Variants in CAPZB observed in about 807,000 individuals in gnomAD.
CAPZB encodes the protein capping actin protein of muscle Z-line subunit beta.
In CAPZB, 2 loss-of-function variants were observed where a neutral mutation model predicts 38.1. The observed-to-expected ratio is 0.05, with a 90% confidence interval of 0.02 to 0.17. The LOEUF (loss-of-function observed/expected upper bound fraction) is 0.17. CAPZB is among the 10% of genes least tolerant of loss of function. CAPZB has a pLI of 1.00. For missense variants in CAPZB, 161 were observed against 334.2 expected (o/e 0.48, Z 4.04); for synonymous variants, 107 against 127.4 (o/e 0.84, Z 1.08).
chr1:19,428,092 A>T (rs1203995393), intron 1 of CAPZB, among the ~76,000 whole-genome samples: 1 of 152,186 alleles, frequency 6.6e-6, no homozygotes, highest in Non-Finnish European at 1.5e-5. Context: ...CTCCTATCTC[A>T]TCTGAGGAAT....
chr1:19,485,082 G>A (rs1343128039), intron 1 of CAPZB, among the ~76,000 whole-genome samples: 1 of 152,148 alleles, frequency 6.6e-6, no homozygotes, highest in Non-Finnish European at 1.5e-5. Flanking sequence ...ACCGGGGGAG[G>A]AAGGGGGCCC....
intron 2 of CAPZB, among the ~76,000 whole-genome samples, chr1:19,409,117 G>A (rs76415130): frequency 0.011 from 1,671 of 152,206 alleles, 27 homozygotes; most frequent in African/African-American, 0.038. Flanking sequence ...TTCCTTGAAC[G>A]TGAGTTGGGA....
At position 19,357,379 on chromosome 1, in the gene CAPZB, C is replaced by T. The variant is rs748385869; in HGVS notation, c.471+43G>A. 5 of 1,603,148 alleles carry T rather than the reference C, an allele frequency of 3.1e-6. No individual in the cohort carries two copies. Among genetic ancestry groups the T allele is most frequent in the Non-Finnish European group, 4.3e-6 (5 of 1,171,720 alleles). On this transcript the variant is annotated intron_variant, in intron 5 of 8. Coordinates refer to ENST00000264202, the MANE Select transcript of CAPZB (RefSeq NM_004930.5). This position sits in a 1 kb window ranked among gnomAD's most constrained non-coding sequence, Gnocchi z 4.3. ...AGCGCGGCACTGGTTGGTGTGCCATCTGTACTTAGTGGCCCGGGCCACCAG... is the reference window on the plus strand; with the variant it reads ...AGCGCGGCACTGGTTGGTGTGCCATTTGTACTTAGTGGCCCGGGCCACCAG...
At chr1:19,444,924 G>C (rs1438225811) in intron 1 of CAPZB, among the ~76,000 whole-genome samples, 3 of 151,940 alleles carry the variant, frequency 2.0e-5, no homozygotes, top group Non-Finnish European at 4.4e-5. Flanking sequence ...TGTATTTTTA[G>C]TAGAGACGGG....
At chr1:19,392,284 A>G (rs2094240612) in intron 2 of CAPZB, among the ~76,000 whole-genome samples, 2 of 152,052 alleles carry the variant, frequency 1.3e-5, no homozygotes, top group Admixed American at 1.3e-4. Flanking sequence ...GAGGTGGCAC[A>G]GAGATGACAT....
chr1:19,470,367 G>T (rs1055119275), intron 1 of CAPZB, among the ~76,000 whole-genome samples: 1 of 152,150 alleles, frequency 6.6e-6, no homozygotes, highest in African/African-American at 2.4e-5. Flanking sequence ...AAGGGACCTG[G>T]GCTTGAATCT....
rs2094409903 is a variant in CAPZB, at chr1:19,423,534, T to C, written c.4-3784A>G. Among the ~76,000 whole-genome samples, 5 of 149,012 alleles carry C rather than the reference T, an allele frequency of 3.4e-5. No individual in the cohort carries two copies. In the South Asian group the frequency reaches 8.6e-4, roughly 26 times the overall value. ...GAACATTCTTTTTTTTTTTTTTTTTTTTTTTTTAAAGATAGGCTCTCACTC... is the reference window on the plus strand; with the variant it reads ...GAACATTCTTTTTTTTTTTTTTTTTCTTTTTTTAAAGATAGGCTCTCACTC... On this transcript the variant is annotated intron_variant, in intron 1 of 8. Coordinates refer to ENST00000264202, the MANE Select transcript of CAPZB (RefSeq NM_004930.5).
intron 2 of CAPZB, among the ~76,000 whole-genome samples, chr1:19,418,061 G>C (rs2094387303): frequency 6.7e-6 from 1 of 148,910 alleles, no homozygotes; most frequent in Non-Finnish European, 1.5e-5. Flanking sequence ...GCTTGAACCG[G>C]GGAGGCGGAG....
intron 1 of CAPZB, among the ~76,000 whole-genome samples, chr1:19,452,696 G>C (rs2094520332): frequency 6.6e-6 from 1 of 151,630 alleles, no homozygotes; most frequent in African/African-American, 2.4e-5. Context: ...CTCCCCATCT[G>C]TTCCTCTGCT....
chr1:19,339,323 G>A lies in CAPZB; in HGVS notation c.*207C>T. On this transcript the variant is annotated 3_prime_UTR_variant, in exon 9 of 9. Transcript: ENST00000264202. ...TATGGAAATGTGGAGAGAACTGAGA[G>A]CGAGGTGTGGCAGAAGCAGGCTCGG... 1.6e-6 allele frequency: 1 copy of A among 614,218 alleles called. No homozygotes were observed. The allele number at this position is 614,218 out of a possible 1,614,324, so 38.0% of individuals were successfully genotyped here. A position where few individuals can be genotyped will look rare whatever the true frequency, so the allele number is the denominator to read the frequency against.
chr1:19,400,233 A>G (rs1469245632), intron 2 of CAPZB, among the ~76,000 whole-genome samples: 3 of 151,876 alleles, frequency 2.0e-5, no homozygotes, highest in Admixed American at 2.0e-4. Flanking sequence ...GTCTTCGTCA[A>G]TTTCAGTGTG....
chr1:19,374,463 CGT>C (rs1471643047), intron 4 of CAPZB: 2 of 152,288 alleles, frequency 1.3e-5, no homozygotes, highest in African/African-American at 4.8e-5. Flanking sequence ...CACCTGGAAT[CGT>C]GAATTAAAGA....
intron 1 of CAPZB, among the ~76,000 whole-genome samples, chr1:19,462,375 G>A (rs1182332482): frequency 1.3e-5 from 2 of 151,656 alleles, no homozygotes; most frequent in Non-Finnish European, 2.9e-5. Flanking sequence ...GGAGAATGGC[G>A]TGAACCTGGG....
intron 1 of CAPZB, among the ~76,000 whole-genome samples, chr1:19,468,214 T>C (rs755166381): frequency 7.2e-5 from 11 of 152,390 alleles, no homozygotes; most frequent in Non-Finnish European, 1.5e-4. Flanking sequence ...GCTAAGATTA[T>C]GAATTATTTT....
intron 1 of CAPZB, among the ~76,000 whole-genome samples, chr1:19,439,404 T>C (rs2094468496): frequency 6.6e-6 from 1 of 152,262 alleles, no homozygotes; most frequent in Non-Finnish European, 1.5e-5. Flanking sequence ...CTTTTGTTCT[T>C]GAAGAACCAC....
intron 1 of CAPZB, among the ~76,000 whole-genome samples, chr1:19,476,931 T>C (rs1488692830): frequency 6.6e-6 from 1 of 152,206 alleles, no homozygotes; most frequent in East Asian, 1.9e-4. Context: ...GGGAATTCCA[T>C]CAGCATGCGC....
At chr1:19,375,489 C>T (rs2100407959) in intron 4 of CAPZB, among the ~76,000 whole-genome samples, 1 of 152,360 alleles carries the variant, frequency 6.6e-6, no homozygotes, top group African/African-American at 2.4e-5. Flanking sequence ...CTCCTTCCTC[C>T]CGAGGTGCTG....
chr1:19,433,241 G>A (rs1434971912), intron 1 of CAPZB, among the ~76,000 whole-genome samples: 2 of 152,210 alleles, frequency 1.3e-5, no homozygotes, highest in African/African-American at 4.8e-5. Flanking sequence ...TTCAAGGGAT[G>A]CCGTACATGT....
At chr1:19,425,755 T>G (rs1306049767) in intron 1 of CAPZB, among the ~76,000 whole-genome samples, 2 of 152,192 alleles carry the variant, frequency 1.3e-5, no homozygotes, top group Non-Finnish European at 2.9e-5. Context: ...GCTACAGTGT[T>G]CAGACATCCG....
Sources: allele counts gnomAD v4.1 joint callset (sites outside exome capture counted in the v4.1 genomes callset), GRCh38; gene constraint gnomAD v4.1.1; non-coding constraint Gnocchi (gnomAD v3.1); transcripts MANE v1.5; gene names NCBI Gene and HGNC (gene_info 2026-07-23, HGNC 2026-07-21).